The following STXBP5L variants were observed in gnomAD, a reference collection of about 807,000 sequenced individuals.
STXBP5L encodes syntaxin-binding protein 5-like.
STXBP5L carries 65 observed loss-of-function variants against 144.5 expected under a neutral mutation model. That is an observed-to-expected ratio of 0.45 (90% CI 0.37 to 0.55). The LOEUF is 0.55. STXBP5L is among the 20% of genes least tolerant of loss of function. The pLI is 0.00. For synonymous variants in STXBP5L, 505 were observed against 469.6 expected, an observed-to-expected ratio of 1.08 and a Z score of -0.97; for missense variants, 1,298 against 1,405.5, an observed-to-expected ratio of 0.92 and a Z score of 1.22.
Position 121,010,358 on chromosome 3 carries a change from G to C in STXBP5L, c.288-31342G>C, listed in dbSNP as rs534165591. Among the ~76,000 whole-genome samples the C allele has an allele frequency of 4.6e-5, 7 of 151,838 alleles. No individual in the cohort carries two copies. The South Asian group carries it at 1.5e-3, about 32-fold the overall frequency. ...TGATAGGCTCTGGATCTGAGAACTG[G>C]CTCATTTATGGAAACTGGGCAAGGT... On this transcript the variant is annotated intron_variant, in intron 3 of 26. Transcript: ENST00000471454.
At chr3:121,260,934 A>T (rs2108391703) in intron 18 of STXBP5L, among the ~76,000 whole-genome samples, 1 of 152,220 alleles carries the variant, frequency 6.6e-6, no homozygotes, top group East Asian at 1.9e-4. Flanking sequence ...ACCACAGTTG[A>T]TGGATGATGG....
intron 7 of STXBP5L, among the ~76,000 whole-genome samples, chr3:121,150,875 G>C (rs558553125): frequency 2.9e-4 from 44 of 152,118 alleles, no homozygotes; most frequent in African/African-American, 1.1e-3. Context: ...ATCACTTGAG[G>C]TCAGGAGTTC....
At chr3:121,274,927 A>G (rs1354310689) in intron 18 of STXBP5L, among the ~76,000 whole-genome samples, 1 of 152,204 alleles carries the variant, frequency 6.6e-6, no homozygotes, top group Non-Finnish European at 1.5e-5. Context: ...GAAAGTAGGT[A>G]AAAGCCCTGA....
chr3:121,003,275 G>A (rs1006537647), intron 3 of STXBP5L, among the ~76,000 whole-genome samples: 1 of 151,882 alleles, frequency 6.6e-6, no homozygotes, highest in African/African-American at 2.4e-5. Context: ...GTATCTCATT[G>A]TGGTTTTGAT....
At chr3:121,146,634 G>A (rs6775508) in intron 7 of STXBP5L, among the ~76,000 whole-genome samples, 32,464 of 151,944 alleles carry the variant, frequency 0.21, 3,701 homozygotes, top group Non-Finnish European at 0.26. Flanking sequence ...AAAGTTTAAC[G>A]CAAAACTGCA....
chr3:120,986,092 T>C (rs1576578141), intron 3 of STXBP5L, among the ~76,000 whole-genome samples: 1 of 152,060 alleles, frequency 6.6e-6, no homozygotes, highest in African/African-American at 2.4e-5. Flanking sequence ...TGGTATGTTT[T>C]CATTTTCATT....
chr3:121,075,675 T>C (rs1288484782), intron 5 of STXBP5L, among the ~76,000 whole-genome samples: 1 of 152,222 alleles, frequency 6.6e-6, no homozygotes, highest in Non-Finnish European at 1.5e-5. Context: ...GGACTTTCAT[T>C]TGGCTCTGGT....
At position 121,330,097 on chromosome 3, in the gene STXBP5L, G is replaced by T. The variant is rs559425155; in HGVS notation, c.2176+11557G>T. Among the ~76,000 whole-genome samples, 3 of 152,218 alleles carry T rather than the reference G, an allele frequency of 2.0e-5. No homozygotes were observed. The South Asian group carries it at 6.2e-4, about 32-fold the overall frequency. On this transcript the variant is annotated intron_variant, in intron 20 of 26. Transcript: ENST00000471454. ...GTTTTAATAATTATACAATATTTCT[G>T]CTTCATGGGCAGACTGGGAGGGGCA...
At chr3:121,326,656 T>C (rs1441403176) in intron 20 of STXBP5L, among the ~76,000 whole-genome samples, 1 of 152,074 alleles carries the variant, frequency 6.6e-6, no homozygotes, top group Admixed American at 6.5e-5. Context: ...GAGTCAATTT[T>C]AGAGAAAAAT....
intron 10 of STXBP5L, among the ~76,000 whole-genome samples, chr3:121,206,310 C>T (rs1195477408): frequency 2.0e-5 from 3 of 152,048 alleles, no homozygotes; most frequent in Non-Finnish European, 4.4e-5. Flanking sequence ...TAAGCAGAAG[C>T]AATGTGCCCG....
At chr3:121,150,079 A>G (rs1313992948) in intron 7 of STXBP5L, among the ~76,000 whole-genome samples, 2 of 151,986 alleles carry the variant, frequency 1.3e-5, no homozygotes, top group East Asian at 3.9e-4. Context: ...TTTAGTTTTC[A>G]AAATATTTTT....
chr3:121,210,239 G>A (rs1357779417), intron 10 of STXBP5L, among the ~76,000 whole-genome samples: 9 of 152,330 alleles, frequency 5.9e-5, no homozygotes, highest in African/African-American at 1.9e-4. Flanking sequence ...CTTCTTTTGA[G>A]AAGTGTCTGT....
At chr3:121,268,914 T>C (rs1246498898) in intron 18 of STXBP5L, among the ~76,000 whole-genome samples, 1 of 152,164 alleles carries the variant, frequency 6.6e-6, no homozygotes, top group Non-Finnish European at 1.5e-5. Context: ...CTGTATTATT[T>C]ATGTCATTAT....
chr3:121,337,459 AG>A (rs1395199836), intron 20 of STXBP5L, among the ~76,000 whole-genome samples: 1 of 150,310 alleles, frequency 6.7e-6, no homozygotes, highest in Non-Finnish European at 1.5e-5. Flanking sequence ...AAAAAAAAAA[AG>A]TCATTATATA....
intron 5 of STXBP5L, among the ~76,000 whole-genome samples, chr3:121,074,759 G>A (rs7616617): frequency 0.099 from 15,111 of 152,128 alleles, 1,185 homozygotes; most frequent in Admixed American, 0.2. Context: ...GTTTAGAGTC[G>A]TGCCCCCTTA....
intron 5 of STXBP5L, among the ~76,000 whole-genome samples, chr3:121,096,259 C>T (rs1045343306): frequency 1.3e-5 from 2 of 152,208 alleles, no homozygotes; most frequent in African/African-American, 4.8e-5. Context: ...CTCCTCTAAC[C>T]TTTCTTCACG....
In STXBP5L at chr3:121,420,504, T is replaced by C. The variant is rs751530926; in HGVS notation, c.*1407T>C. The C allele has an allele frequency of 6.6e-6, 1 of 152,074 alleles. No homozygotes were observed. Among genetic ancestry groups the C allele is most frequent in the Non-Finnish European group, 1.5e-5 (1 of 68,000 alleles). 9.4% of individuals were successfully genotyped at this position (152,074 alleles called of 1,614,324 possible). ...GCTGGAATAAAGAATATCCTTAACA[T>C]GATACAAGGTATCTATAACTCACCA... On this transcript the variant is annotated 3_prime_UTR_variant, in exon 27 of 27. Coordinates refer to ENST00000471454, the MANE Select transcript of STXBP5L (RefSeq NM_001308330.2).
chr3:121,295,694 A>G (rs2051623600), intron 19 of STXBP5L, among the ~76,000 whole-genome samples: 1 of 152,174 alleles, frequency 6.6e-6, no homozygotes, highest in African/African-American at 2.4e-5. Flanking sequence ...ATATTTGGCA[A>G]TGTCTGTGAA....
At chr3:121,077,242 G>T (rs946380496) in intron 5 of STXBP5L, among the ~76,000 whole-genome samples, 1 of 152,156 alleles carries the variant, frequency 6.6e-6, no homozygotes, top group Non-Finnish European at 1.5e-5. Flanking sequence ...TCCCGGATGG[G>T]TCCCCAGAAA....
Sources: allele counts gnomAD v4.1 joint callset (sites outside exome capture counted in the v4.1 genomes callset), GRCh38; gene constraint gnomAD v4.1.1; transcripts MANE v1.5; gene names NCBI Gene and HGNC (gene_info 2026-07-23, HGNC 2026-07-21).